ESCO2: variants seen among roughly 807,000 people sequenced by gnomAD.
The protein encoded by ESCO2 is establishment of sister chromatid cohesion N-acetyltransferase 2.
ESCO2 carries 51 observed loss-of-function variants against 61.7 expected under a neutral mutation model. That is an observed-to-expected ratio of 0.83 (90% confidence interval 0.66 to 1.04). ESCO2 has a LOEUF of 1.04. Among genes scored for constraint, ESCO2 ranks in the 50% least tolerant of loss-of-function variants. The pLI is 0.00. For missense variants in ESCO2, 692 were observed against 686.2 expected, an observed-to-expected ratio of 1.01 and a Z score of -0.09; for synonymous variants, 230 against 238.2, an observed-to-expected ratio of 0.97 and a Z score of 0.32.
chr8:27,785,043 G>A (rs1805006885), intron 5 of ESCO2, among the ~76,000 whole-genome samples: 1 of 152,186 alleles, frequency 6.6e-6, no homozygotes. Context: ...CCATGGACTA[G>A]GTAATTTATA....
chr8:27,813,522 T>C (rs916655746), downstream of ESCO2, among the ~76,000 whole-genome samples: 4 of 152,136 alleles, frequency 2.6e-5, no homozygotes, highest in Non-Finnish European at 5.9e-5. Flanking sequence ...TAACAAATTA[T>C]ATATGTTTAA....
chr8:27,819,410 A>G, the ESCO2 span, among the ~76,000 whole-genome samples: 1 of 152,188 alleles, frequency 6.6e-6, no homozygotes, highest in Admixed American at 6.5e-5. Flanking sequence ...GACTTGTTAT[A>G]TTCTTATATT....
Position 27,792,686 on chromosome 8 carries a change from C to T in ESCO2, c.1372C>T (p.Leu458Phe), listed in dbSNP as rs1416457999. Reference protein sequence around the residue: ...AIKKVEDVQELVDNELGFQQV... With the variant: ...AIKKVEDVQEFVDNELGFQQV... The stretch of plus-strand genomic sequence containing the variant: ...TCATTAGGTAGAAGATGTCCAAGAA[C>T]TTGTTGATAATGAATTGGGCTTCCA... The change falls in exon 9 of 11, where the codon CTT (leucine) becomes TTT (phenylalanine). Residue 458 changes from leucine (L) to phenylalanine (F), a missense_variant. Leu to Phe is a conservative substitution (Grantham distance 22, BLOSUM62 0). Coordinates refer to ENST00000305188, the MANE Select transcript of ESCO2 (RefSeq NM_001017420.3). 2.5e-6 allele frequency: 4 copies of T among 1,612,492 alleles called. No individual in the cohort carries two copies. Among genetic ancestry groups the T allele is most frequent in the Admixed American group, 1.7e-5 (1 of 59,890 alleles).
chr8:27,785,456 C>T (rs1324975492), intron 5 of ESCO2, among the ~76,000 whole-genome samples: 2 of 152,146 alleles, frequency 1.3e-5, no homozygotes, highest in Non-Finnish European at 2.9e-5. Context: ...AATCCCAGCA[C>T]TTTGGGAGGC....
At chr8:27,799,277 G>C (rs1014713266) in intron 9 of ESCO2, among the ~76,000 whole-genome samples, 1 of 152,040 alleles carries the variant, frequency 6.6e-6, no homozygotes, top group Non-Finnish European at 1.5e-5. Flanking sequence ...TTTATTAAAA[G>C]GAAGAGTCTA....
downstream of ESCO2, among the ~76,000 whole-genome samples, chr8:27,815,594 C>T (rs750358178): frequency 5.3e-5 from 8 of 152,212 alleles, no homozygotes; most frequent in Non-Finnish European, 8.8e-5. Flanking sequence ...ATACTTACAC[C>T]GTTCAGTATA....
In ESCO2 at chr8:27,775,544, G is replaced by A. The variant is rs1359529272; in HGVS notation, c.30G>A (p.Lys10=). The change falls in exon 2 of 11, where the codon AAG becomes AAA. Residue 10 remains lysine, a synonymous_variant. Coordinates refer to ENST00000305188, the MANE Select transcript of ESCO2 (RefSeq NM_001017420.3). The part of the protein sequence containing the change: MAALTPRKR[K]QDSLKCDSLL... ...CAGCTCTTACTCCAAGGAAGAGGAA[G>A]CAGGATTCTTTGAAGTGTGACAGGT... The A allele has an allele frequency of 3.1e-6, 5 of 1,614,108 alleles. No homozygotes were observed. The highest frequency in any genetic ancestry group is 2.2e-5 in the South Asian group (2 of 91,078).
chr8:27,797,141 T>C lies in ESCO2; in HGVS notation c.1498-2400T>C, dbSNP rs1805316628. On this transcript the variant is annotated intron_variant, in intron 9 of 10. Transcript: ENST00000305188. ...AAGAAAAAAAAAGTTCATTTCCTTA[T>C]TGATTTTCTGTCTGGACGATGTATC... is the stretch of plus-strand genomic sequence containing the variant. Among the ~76,000 whole-genome samples, 6 of 152,284 alleles carry C rather than the reference T, an allele frequency of 3.9e-5. No individual in the cohort carries two copies. The South Asian group carries it at 1.0e-3, about 26-fold the overall frequency.
At chr8:27,780,523 GTTAC>G (rs1804902878) in intron 4 of ESCO2, among the ~76,000 whole-genome samples, 1 of 152,206 alleles carries the variant, frequency 6.6e-6, no homozygotes, top group Admixed American at 6.5e-5. Flanking sequence ...CTGTGGCCAA[GTTAC>G]TTAAGCTCTC....
chr8:27,815,810 A>G (rs1187134530), downstream of ESCO2, among the ~76,000 whole-genome samples: 3 of 152,224 alleles, frequency 2.0e-5, no homozygotes, highest in Non-Finnish European at 4.4e-5. Flanking sequence ...TGAATTTAAC[A>G]TAGTATTTAA....
At chr8:27,791,703 G>A (rs1240356673) in intron 7 of ESCO2, among the ~76,000 whole-genome samples, 2 of 152,150 alleles carry the variant, frequency 1.3e-5, no homozygotes, top group African/African-American at 4.8e-5. Flanking sequence ...TTACAGGTGT[G>A]AGCCACCGCA....
chr8:27,783,083 A>G (rs4732749), intron 4 of ESCO2, among the ~76,000 whole-genome samples: 39,815 of 152,060 alleles, frequency 0.26, 6,197 homozygotes, highest in Middle Eastern at 0.36. Flanking sequence ...TAGCCATTAC[A>G]GTACCATACA....
At chr8:27,797,947 GCTAA>G (rs1410667643) in intron 9 of ESCO2, among the ~76,000 whole-genome samples, 3 of 152,154 alleles carry the variant, frequency 2.0e-5, no homozygotes, top group East Asian at 1.9e-4. Context: ...GCAAGATGTA[GCTAA>G]CTAACTGTTC....
Position 27,783,239 on chromosome 8 carries a change from G to T in ESCO2, c.956-761G>T, listed in dbSNP as rs192138566. ...AAAACATTACACATATATATCCTTTGGGGTCTGGCTTATTTCACTTAGTAA... is the reference window on the plus strand; with the variant it reads ...AAAACATTACACATATATATCCTTTTGGGTCTGGCTTATTTCACTTAGTAA... On this transcript the variant is annotated intron_variant, in intron 4 of 10. Transcript: ENST00000305188. Among the ~76,000 whole-genome samples the T allele has an allele frequency of 4.6e-5, 7 of 152,158 alleles. No homozygotes were observed. The East Asian group carries it at 1.4e-3, about 29-fold the overall frequency.
At chr8:27,810,268 G>A, downstream of ESCO2, 1 of 1,389,734 alleles carries the variant, frequency 7.2e-7, no homozygotes, top group Non-Finnish European at 1.0e-6. Flanking sequence ...GGAATAAACA[G>A]TTATTTACGC....
At chr8:27,792,181 A>C in intron 8 of ESCO2, 129 bp downstream of exon 8, 1 of 851,112 alleles carries the variant, frequency 1.2e-6, no homozygotes, top group Non-Finnish European at 1.9e-6. Context: ...CTTTCATAGC[A>C]ATTTATACAA....
chr8:27,779,669 GTACTC>G (rs1236323325), intron 3 of ESCO2: 1 of 158,978 alleles, frequency 6.3e-6, no homozygotes, highest in Non-Finnish European at 1.4e-5. Context: ...TACAACACGT[GTACTC>G]TGGCTTTTTT....
At chr8:27,816,732 T>C (rs1034833648), downstream of ESCO2, among the ~76,000 whole-genome samples, 5 of 152,146 alleles carry the variant, frequency 3.3e-5, no homozygotes, top group Non-Finnish European at 7.3e-5. Context: ...AAAAAAATTT[T>C]AAGATTTGGG....
chr8:27,795,544 A>G (rs900401169), intron 9 of ESCO2, among the ~76,000 whole-genome samples: 8 of 152,130 alleles, frequency 5.3e-5, no homozygotes, highest in Non-Finnish European at 7.4e-5. Context: ...TTCCAGAACT[A>G]TGTAGAATAG....
Sources: gnomAD v4.1 joint callset for allele counts (sites outside exome capture counted in the v4.1 genomes callset) on GRCh38, gnomAD v4.1.1 for gene constraint, MANE v1.5 for transcripts, NCBI Gene and HGNC (gene_info 2026-07-23, HGNC 2026-07-21) for gene names.